The following DOCK10 variants were observed in gnomAD, a reference collection of about 807,000 sequenced individuals.
DOCK10 encodes dedicator of cytokinesis protein 10.
DOCK10 carries 145 observed loss-of-function variants against 280.1 expected under a neutral mutation model. That is an observed-to-expected ratio of 0.52 (90% confidence interval 0.45 to 0.59). The LOEUF (loss-of-function observed/expected upper bound fraction) is 0.59, where lower values mean the gene tolerates loss of function less well. Among genes scored for constraint, DOCK10 ranks in the 20% least tolerant of loss-of-function variants. The pLI is 0.00. For missense variants in DOCK10, 2,368 were observed against 2,651.7 expected, an observed-to-expected ratio of 0.89 and a Z score of 2.35; for synonymous variants, 915 against 942.2, an observed-to-expected ratio of 0.97 and a Z score of 0.53.
intron 31 of DOCK10, among the ~76,000 whole-genome samples, chr2:224,811,079 G>A (rs1693739217): frequency 6.6e-6 from 1 of 152,070 alleles, no homozygotes; most frequent in South Asian, 2.1e-4. Flanking sequence ...CACAATGGTT[G>A]AACTAGTTTA....
rs1128515 is a variant in DOCK10 at position 224,770,220 on chromosome 2, C to G, written c.6435G>C (p.Met2145Ile). The G allele has an allele frequency of 1.3e-6, 2 of 1,580,294 alleles. No individual in the cohort carries two copies. Among genetic ancestry groups the G allele is most frequent in the Non-Finnish European group, 1.7e-6 (2 of 1,164,286 alleles). Reference protein sequence around the residue: ...KDMLSELSTVMNEQITGRDDL... With the variant: ...KDMLSELSTVINEQITGRDDL... ...ACCAAGGAGCGCTCACCTGCTCATT[C>G]ATGACTGTGGAGAGTTCGCTGAGCA... The change falls in exon 55 of 56, where the codon ATG becomes ATC. Residue 2145 changes from methionine (M) to isoleucine (I), a missense_variant. Physicochemically the swap from Met to Ile is conservative, Grantham distance 10. Around this residue, in one of 2 missense-constraint regions of DOCK10, gnomAD observed 1,159 missense variants for 1,400.8 expected, o/e 0.83. Coordinates refer to ENST00000258390, the MANE Select transcript of DOCK10 (RefSeq NM_014689.3). The surrounding 1 kb of genome is among the most constrained non-coding windows in gnomAD (Gnocchi z 4.5).
chr2:224,871,770 G>C (rs1698304165), intron 11 of DOCK10, among the ~76,000 whole-genome samples: 1 of 152,076 alleles, frequency 6.6e-6, no homozygotes. Flanking sequence ...AATCACCTCT[G>C]CCGAGAGGGC....
At chr2:224,913,716 C>T (rs1188656669) in intron 3 of DOCK10, among the ~76,000 whole-genome samples, 4 of 138,608 alleles carry the variant, frequency 2.9e-5, no homozygotes, top group African/African-American at 8.3e-5. Flanking sequence ...GTTTGTTTGT[C>T]TGTTTATTTA....
In DOCK10 at chr2:224,770,492, A is replaced by G; in HGVS notation, c.6305+53T>C. 1 of 1,578,448 alleles carries G rather than the reference A, an allele frequency of 6.3e-7. No homozygotes were observed. Among genetic ancestry groups the G allele is most frequent in the African/African-American group, 1.3e-5 (1 of 74,204 alleles). ...GTGATGGATTCTTGGGGGATTGAGG[A>G]CTCCCTGTCTCAGGAAGTTCAAGGA... On this transcript the variant is annotated intron_variant, in intron 54 of 55. Coordinates refer to ENST00000258390, the MANE Select transcript of DOCK10 (RefSeq NM_014689.3). This position sits in a 1 kb window ranked among gnomAD's most constrained non-coding sequence, Gnocchi z 4.5.
At chr2:224,905,517 G>A (rs1700571743) in intron 3 of DOCK10, among the ~76,000 whole-genome samples, 1 of 151,860 alleles carries the variant, frequency 6.6e-6, no homozygotes, top group African/African-American at 2.4e-5. Context: ...CCAAAGTGCT[G>A]GGATTACAGG....
At chr2:225,013,670 T>C (rs1252087453) in intron 1 of DOCK10, among the ~76,000 whole-genome samples, 1 of 152,214 alleles carries the variant, frequency 6.6e-6, no homozygotes, top group Non-Finnish European at 1.5e-5. Context: ...CAATGTACTC[T>C]ATCTGCACTT....
At chr2:224,975,598 A>G (rs1705389275) in intron 1 of DOCK10, among the ~76,000 whole-genome samples, 1 of 152,246 alleles carries the variant, frequency 6.6e-6, no homozygotes, top group Admixed American at 6.5e-5. Flanking sequence ...AATATTTACT[A>G]TAGGGATAAG....
At chr2:224,957,348 C>T (rs979218764) in intron 1 of DOCK10, among the ~76,000 whole-genome samples, 4 of 147,270 alleles carry the variant, frequency 2.7e-5, no homozygotes, top group Middle Eastern at 3.5e-3. Flanking sequence ...TAAAGTGCAG[C>T]GGTGTGATCA....
At chr2:225,038,029 T>C (rs111336298) in intron 1 of DOCK10, among the ~76,000 whole-genome samples, 396 of 152,310 alleles carry the variant, frequency 2.6e-3, no homozygotes, top group African/African-American at 8.9e-3. Flanking sequence ...AACCGTGTGA[T>C]TTCTGCTAAA....
rs779387211 is a variant in DOCK10 at position 224,787,283 on chromosome 2, C to T, written c.5533G>A (p.Asp1845Asn). 6.2e-7 allele frequency: 1 copy of T among 1,613,904 alleles called. No homozygotes were observed. Among genetic ancestry groups the T allele is most frequent in the East Asian group, 2.2e-5 (1 of 44,884 alleles). Residue 1845 changes from aspartate (D) to asparagine (N), a missense_variant, in exon 49 of 56, where the codon GAC becomes AAC. Physicochemically the swap from Asp to Asn is conservative, Grantham distance 23. This residue lies in a region of DOCK10 where 1,159 missense variants were observed against 1,400.8 expected (regional missense o/e 0.83). Transcript: ENST00000258390. ...PIIAVFEKQR[D>N]FKKLSDLYYD... Reference sequence around the variant, plus strand: ...GGGGTTGGAATACATACTTTGAAGTCTCGTTGTTTCTCAAAGACAGCAATG... The same window carrying T: ...GGGGTTGGAATACATACTTTGAAGTTTCGTTGTTTCTCAAAGACAGCAATG...
chr2:225,033,945 A>G (rs1690154522), intron 1 of DOCK10, among the ~76,000 whole-genome samples: 1 of 152,032 alleles, frequency 6.6e-6, no homozygotes, highest in Admixed American at 6.6e-5. Context: ...AGCTTAACTC[A>G]CTCTGTGCCA....
At chr2:224,810,050 CATT>C in intron 31 of DOCK10, among the ~76,000 whole-genome samples, 1 of 148,650 alleles carries the variant, frequency 6.7e-6, no homozygotes, top group South Asian at 2.1e-4. Context: ...ACCTAAGAGT[CATT>C]ATGCTAAGTG....
chr2:224,999,255 T>TC (rs1706359464), intron 1 of DOCK10, among the ~76,000 whole-genome samples: 1 of 152,036 alleles, frequency 6.6e-6, no homozygotes, highest in Non-Finnish European at 1.5e-5. Flanking sequence ...TCTCTCTTTT[T>TC]TTTTTTCAAT....
intron 11 of DOCK10, among the ~76,000 whole-genome samples, chr2:224,871,081 C>T (rs1290263511): frequency 1.3e-5 from 2 of 152,116 alleles, no homozygotes; most frequent in South Asian, 2.1e-4. Context: ...CCTGCCTTGG[C>T]CTCCCAAAGT....
At chr2:224,818,174 T>C (rs954626492) in intron 29 of DOCK10, among the ~76,000 whole-genome samples, 1 of 152,142 alleles carries the variant, frequency 6.6e-6, no homozygotes. Context: ...AGGCCCCACG[T>C]AACGTTTTGG....
intron 1 of DOCK10, among the ~76,000 whole-genome samples, chr2:224,975,955 G>A (rs1444415002): frequency 2.6e-5 from 4 of 152,130 alleles, no homozygotes; most frequent in Non-Finnish European, 5.9e-5. Flanking sequence ...AACAAATACA[G>A]TGAAATCCTA....
chr2:224,823,450 C>A, intron 28 of DOCK10, 51 bp downstream of exon 28: 3 of 1,475,706 alleles, frequency 2.0e-6, no homozygotes, highest in Admixed American at 2.7e-5. Flanking sequence ...GACTATCTTG[C>A]ATCCACCAAC....
intron 1 of DOCK10, among the ~76,000 whole-genome samples, chr2:224,961,661 C>T (rs1031608076): frequency 2.0e-5 from 3 of 151,752 alleles, no homozygotes; most frequent in African/African-American, 7.3e-5. Context: ...CACCCACCAC[C>T]ATGCCCAGCT....
intron 26 of DOCK10, among the ~76,000 whole-genome samples, chr2:224,831,635 C>A (rs1319124483): frequency 6.6e-6 from 1 of 152,256 alleles, no homozygotes; most frequent in African/African-American, 2.4e-5. Context: ...ATGATAAGAG[C>A]AGTACACACC....
Sources: allele counts gnomAD v4.1 joint callset (sites outside exome capture counted in the v4.1 genomes callset), GRCh38; gene constraint gnomAD v4.1.1; regional missense constraint gnomAD v4.1.1; non-coding constraint Gnocchi (gnomAD v3.1); transcripts MANE v1.5; gene names NCBI Gene and HGNC (gene_info 2026-07-23, HGNC 2026-07-21).